KLRG1: variants seen among roughly 807,000 people sequenced by gnomAD.
The protein encoded by KLRG1 is killer cell lectin like receptor G1, also known as killer cell lectin-like receptor subfamily G member 1.
KLRG1 carries 16 observed loss-of-function variants against 21.8 expected under a neutral mutation model. The ratio of observed to expected loss-of-function variants is 0.73; its 90% confidence interval spans 0.50 to 1.11. The LOEUF (loss-of-function observed/expected upper bound fraction) is 1.11, where lower values mean the gene tolerates loss of function less well. Among genes scored for constraint, KLRG1 ranks in the 50% most tolerant of loss-of-function variants. The pLI is 0.00. For missense variants in KLRG1, 173 were observed against 218.3 expected, an observed-to-expected ratio of 0.79 and a Z score of 1.31; for synonymous variants, 69 against 75.9, an observed-to-expected ratio of 0.91 and a Z score of 0.47.
chr12:8,958,630 G>A (rs184667960), intron 1 of KLRG1, among the ~76,000 whole-genome samples: 20 of 151,794 alleles, frequency 1.3e-4, no homozygotes, highest in Admixed American at 1.3e-3. Context: ...GCTGAGATGG[G>A]AGGATCACTT....
the KLRG1 span, among the ~76,000 whole-genome samples, chr12:9,181,815 C>T: frequency 6.6e-6 from 1 of 152,226 alleles, no homozygotes; most frequent in East Asian, 1.9e-4. Context: ...TGAAAAAGTG[C>T]TGTACTAGAT....
the KLRG1 span, chr12:9,093,511 G>A: frequency 4.3e-6 from 7 of 1,613,874 alleles, no homozygotes; most frequent in South Asian, 1.1e-5. Context: ...AAGTACTTTC[G>A]TACGGTCTCC....
At chr12:8,950,348 G>A (rs937793335) in intron 1 of KLRG1, 4 of 152,188 alleles carry the variant, frequency 2.6e-5, no homozygotes, top group African/African-American at 7.2e-5. Flanking sequence ...GTTCGCCAGA[G>A]GTTACTTCTG....
the KLRG1 span, among the ~76,000 whole-genome samples, chr12:9,100,094 AC>A: frequency 6.6e-6 from 1 of 152,202 alleles, no homozygotes; most frequent in African/African-American, 2.4e-5. Flanking sequence ...AGTCTACTAG[AC>A]TAGGAGCAAC....
At chr12:8,958,039 T>C (rs915359680) in intron 1 of KLRG1, among the ~76,000 whole-genome samples, 1 of 152,178 alleles carries the variant, frequency 6.6e-6, no homozygotes, top group African/African-American at 2.4e-5. Context: ...AGAAGCCTTA[T>C]AGTTTTATGT....
chr12:8,998,775 C>T (rs565780774), intron 3 of KLRG1, among the ~76,000 whole-genome samples: 302 of 151,850 alleles, frequency 2.0e-3, no homozygotes, highest in Non-Finnish European at 3.5e-3. Context: ...ATCCATTTTG[C>T]ATATGTTCAA....
intron 1 of KLRG1, among the ~76,000 whole-genome samples, chr12:8,954,277 G>A (rs764102417): frequency 1.3e-5 from 2 of 152,060 alleles, no homozygotes; most frequent in Non-Finnish European, 2.9e-5. Context: ...CAGGGGCGGG[G>A]TAGGGGAAAT....
the KLRG1 span, among the ~76,000 whole-genome samples, chr12:9,189,055 G>T: frequency 1.3e-5 from 2 of 152,126 alleles, no homozygotes; most frequent in African/African-American, 4.8e-5. Context: ...TCAATATCAT[G>T]AAAATGGTCA....
At chr12:9,127,922 T>C in the KLRG1 span, 2 of 346,526 alleles carry the variant, frequency 5.8e-6, no homozygotes, top group Admixed American at 3.2e-5. Flanking sequence ...ACAAGATTCT[T>C]GGTGTCACCA....
chr12:9,185,303 A>G, the KLRG1 span, among the ~76,000 whole-genome samples: 1 of 152,250 alleles, frequency 6.6e-6, no homozygotes, highest in South Asian at 2.1e-4. Context: ...TATTAACAGC[A>G]GAACAGACCA....
the KLRG1 span, among the ~76,000 whole-genome samples, chr12:9,146,562 T>C: frequency 6.6e-6 from 1 of 152,200 alleles, no homozygotes; most frequent in African/African-American, 2.4e-5. Context: ...TAATTCTTCA[T>C]TTTCTTTGAC....
the KLRG1 span, among the ~76,000 whole-genome samples, chr12:9,194,674 C>T: frequency 6.6e-6 from 1 of 152,030 alleles, no homozygotes; most frequent in East Asian, 1.9e-4. Context: ...CCATGTTAGC[C>T]AGGATGGTCT....
At chr12:9,137,938 A>G in the KLRG1 span, among the ~76,000 whole-genome samples, 1 of 152,106 alleles carries the variant, frequency 6.6e-6, no homozygotes, top group East Asian at 1.9e-4. Context: ...TGGGATTTTT[A>G]ATACATAATA....
At chr12:9,193,346 G>A in the KLRG1 span, among the ~76,000 whole-genome samples, 1 of 151,710 alleles carries the variant, frequency 6.6e-6, no homozygotes, top group Admixed American at 6.6e-5. Context: ...CATATTTTGT[G>A]GACTCTTCTA....
chr12:9,068,865 A>T, the KLRG1 span: 1 of 1,527,904 alleles, frequency 6.5e-7, no homozygotes, highest in Non-Finnish European at 8.9e-7. Flanking sequence ...AGTCAATTAA[A>T]TGACCTTTCA....
intron 1 of KLRG1, among the ~76,000 whole-genome samples, chr12:8,968,513 C>T (rs150362110): frequency 7.4e-4 from 112 of 152,208 alleles, no homozygotes; most frequent in Non-Finnish European, 1.4e-3. Flanking sequence ...AAAGACAGGT[C>T]CATAATTATA....
At chr12:9,116,013 G>A in the KLRG1 span, 3 of 681,522 alleles carry the variant, frequency 4.4e-6, no homozygotes, top group Non-Finnish European at 8.1e-6. Flanking sequence ...TGAGGTCTCT[G>A]AACATTCTCT....
chr12:9,009,324 G>C, intron 4 of KLRG1, 102 bp from the exon 5 acceptor site: 1 of 1,455,632 alleles, frequency 6.9e-7, no homozygotes, highest in South Asian at 1.3e-5. Context: ...TTAGGGGCCT[G>C]AATAGGGAGA....
chr12:9,033,339 G>A, the KLRG1 span, among the ~76,000 whole-genome samples: 2 of 152,130 alleles, frequency 1.3e-5, no homozygotes, highest in Non-Finnish European at 2.9e-5. Flanking sequence ...CAGCTACTAG[G>A]GAGGCTGAGG....
Sources: gnomAD v4.1 joint callset for allele counts (sites outside exome capture counted in the v4.1 genomes callset) on GRCh38, gnomAD v4.1.1 for gene constraint, MANE v1.5 for transcripts, NCBI Gene and HGNC (gene_info 2026-07-23, HGNC 2026-07-21) for gene names.